The following SLC3A1 variants were observed in gnomAD, a reference collection of about 807,000 sequenced individuals.
SLC3A1 encodes the protein solute carrier family 3 member 1, also known as amino acid transporter heavy chain SLC3A1.
A neutral mutation model predicts 60.3 loss-of-function variants in SLC3A1; 78 were observed. The observed-to-expected ratio is 1.29, with a 90% CI of 1.08 to 1.56. The LOEUF (loss-of-function observed/expected upper bound fraction) is 1.56. Ranked by LOEUF, SLC3A1 falls within the 40% of genes most tolerant of loss-of-function variation. The pLI is 0.00. For synonymous variants in SLC3A1, 392 were observed against 307.9 expected (o/e 1.27, Z -2.86); for missense variants, 1,172 against 858.9 (o/e 1.36, Z -4.56).
chr2:44,320,314 A>G lies in SLC3A1; in HGVS notation c.1733A>G (p.His578Arg). Residue 578 changes from histidine (H) to arginine (R), a missense_variant, in exon 10 of 10, where the codon CAC (histidine) becomes CGC (arginine). Coordinates refer to ENST00000260649, the MANE Select transcript of SLC3A1 (RefSeq NM_000341.4). ...TTTTGCCATTTGAGGAATGACAGCCACTATGTTGTGTACACAAGAGAGCTG... is the reference window on the plus strand; with the variant it reads ...TTTTGCCATTTGAGGAATGACAGCCGCTATGTTGTGTACACAAGAGAGCTG... ...GWFCHLRNDS[H>R]YVVYTRELDG... The G allele has an allele frequency of 1.9e-6, 3 of 1,614,138 alleles. No individual in the cohort carries two copies. Among genetic ancestry groups the G allele is most frequent in the Non-Finnish European group, 2.5e-6 (3 of 1,179,968 alleles).
intron 9 of SLC3A1, 148 bp downstream of exon 9, chr2:44,314,099 G>C: frequency 6.5e-7 from 1 of 1,535,260 alleles, no homozygotes. Context: ...CATTTGTAAG[G>C]AGTTTGTAAA....
At chr2:44,276,037 C>T in intron 1 of SLC3A1, 72 bp downstream of exon 1, 2 of 1,354,778 alleles carry the variant, frequency 1.5e-6, no homozygotes, top group Admixed American at 1.7e-5. Flanking sequence ...TTCTTCAGAA[C>T]CAAATTATGC....
At chr2:44,276,744 G>A (rs1490804363) in intron 1 of SLC3A1, among the ~76,000 whole-genome samples, 1 of 151,946 alleles carries the variant, frequency 6.6e-6, no homozygotes, top group Non-Finnish European at 1.5e-5. Context: ...TAAAAGCTAA[G>A]TTAATTTCTT....
At chr2:44,292,751 G>A (rs1327952087) in intron 4 of SLC3A1, among the ~76,000 whole-genome samples, 2 of 152,014 alleles carry the variant, frequency 1.3e-5, no homozygotes, top group South Asian at 2.1e-4. Context: ...GAGTTGTCCA[G>A]TATCACTGGG....
intron 9 of SLC3A1, among the ~76,000 whole-genome samples, chr2:44,317,344 C>T (rs925744037): frequency 6.6e-6 from 1 of 151,968 alleles, no homozygotes; most frequent in Admixed American, 6.6e-5. Flanking sequence ...CACCTGTAGT[C>T]CCAACTACTC....
chr2:44,285,893 T>C, intron 3 of SLC3A1, 139 bp from the exon 4 acceptor site: 1 of 1,134,330 alleles, frequency 8.8e-7, no homozygotes, highest in East Asian at 2.3e-5. Context: ...AAGGGGTTTC[T>C]TTAACCTGCT....
intron 9 of SLC3A1, chr2:44,318,952 C>A (rs991748953): frequency 1.3e-5 from 2 of 152,146 alleles, no homozygotes; most frequent in African/African-American, 4.8e-5. Context: ...AAAAAGACTT[C>A]AACATACTTT....
Position 44,320,200 on chromosome 2 carries a change from T to A in SLC3A1, c.1619T>A (p.Val540Asp). 1 of 1,611,904 alleles carries A rather than the reference T, an allele frequency of 6.2e-7. No individual in the cohort carries two copies. The highest frequency in any genetic ancestry group is 8.5e-7 in the Non-Finnish European group (1 of 1,178,370). Residue 540 changes from valine to aspartate, a missense_variant and splice_region_variant, in exon 10 of 10, where the codon GTC becomes GAC. Coordinates refer to ENST00000260649, the MANE Select transcript of SLC3A1 (RefSeq NM_000341.4). ...GTAAATACTTTTTTAAAAAAATAGG[T>A]CCAAAAGACTCAGCCCAGATCGGCT... is the stretch of plus-strand genomic sequence containing the variant. ...NSDYHTVNVD[V>D]QKTQPRSALK... is the part of the protein sequence containing the mutation.
chr2:44,314,275 C>A (rs1353990852), intron 9 of SLC3A1: 7 of 571,492 alleles, frequency 1.2e-5, no homozygotes, highest in Non-Finnish European at 1.5e-5. Context: ...CTCCTCTCTT[C>A]CCCTCAAAAG....
rs746255835 is a variant in SLC3A1 at position 44,280,801 on chromosome 2, T to A, written c.516T>A (p.Asp172Glu). 34 of 1,613,342 alleles carry A rather than the reference T, an allele frequency of 2.1e-5. 1 individual carries two copies. The highest frequency in any genetic ancestry group is 2.8e-5 in the Non-Finnish European group (33 of 1,179,370). Residue 172 changes from aspartate (D) to glutamate (E), a missense_variant, in exon 2 of 10, where the codon GAT (aspartate) becomes GAA (glutamate). Transcript: ENST00000260649. The stretch of plus-strand genomic sequence containing the variant: ...CATTTTATAAATCGTCCCTTAAAGA[T>A]TTCAGATATGGTGTTGAAGATTTCC... ...ITSFYKSSLKDFRYGVEDFRE... is the reference protein window; with the variant it reads ...ITSFYKSSLKEFRYGVEDFRE...
chr2:44,287,293 A>G (rs1210323334), intron 4 of SLC3A1, among the ~76,000 whole-genome samples: 1 of 152,102 alleles, frequency 6.6e-6, no homozygotes, highest in Non-Finnish European at 1.5e-5. Context: ...CCTTCTTATG[A>G]TGAGATGCTG....
chr2:44,293,344 C>T (rs556408186), intron 4 of SLC3A1, among the ~76,000 whole-genome samples: 189 of 152,024 alleles, frequency 1.2e-3, no homozygotes, highest in Non-Finnish European at 1.9e-3. Flanking sequence ...TGGTGAAACC[C>T]CATCTCTCCT....
intron 3 of SLC3A1, among the ~76,000 whole-genome samples, chr2:44,284,332 C>T (rs367808933): frequency 5.3e-5 from 8 of 152,264 alleles, no homozygotes; most frequent in African/African-American, 1.9e-4. Flanking sequence ...CCCACGTCGG[C>T]TTCCCAGAGT....
intron 9 of SLC3A1, chr2:44,319,775 A>C (rs1300546201): frequency 5.7e-6 from 1 of 175,128 alleles, no homozygotes; most frequent in East Asian, 1.5e-4. Flanking sequence ...ACATTAGTCT[A>C]CAAAGGGGAA....
chr2:44,278,033 C>T (rs544692079), intron 1 of SLC3A1, among the ~76,000 whole-genome samples: 1 of 152,144 alleles, frequency 6.6e-6, no homozygotes, highest in African/African-American at 2.4e-5. Context: ...TGTGCCTCAT[C>T]ATAAGATATA....
chr2:44,316,260 A>AT (rs1672448484), intron 9 of SLC3A1: 1 of 152,240 alleles, frequency 6.6e-6, no homozygotes, highest in South Asian at 2.1e-4. Context: ...TATAGCAAAC[A>AT]TAAGACTTAA....
intron 1 of SLC3A1, among the ~76,000 whole-genome samples, chr2:44,276,995 G>C (rs60255301): frequency 0.013 from 2,047 of 151,992 alleles, 16 homozygotes; most frequent in Middle Eastern, 0.034. Context: ...AGTAGGAATG[G>C]GCTTAATGTA....
chr2:44,281,143 C>T (rs1453335309), intron 2 of SLC3A1, among the ~76,000 whole-genome samples: 2 of 143,722 alleles, frequency 1.4e-5, no homozygotes, highest in Non-Finnish European at 3.0e-5. Flanking sequence ...CCCTCCCCTC[C>T]CCTCTCCTTT....
At chr2:44,309,700 G>A (rs1032093397) in intron 7 of SLC3A1, among the ~76,000 whole-genome samples, 6 of 152,188 alleles carry the variant, frequency 3.9e-5, no homozygotes. Flanking sequence ...CTGGGTTCAA[G>A]CAATTCTTAT....
Sources: allele counts gnomAD v4.1 joint callset (sites outside exome capture counted in the v4.1 genomes callset), GRCh38; gene constraint gnomAD v4.1.1; transcripts MANE v1.5; gene names NCBI Gene and HGNC (gene_info 2026-07-23, HGNC 2026-07-21).